Variants in ANXA8 observed in about 807,000 individuals in gnomAD.
ANXA8 encodes the protein annexin A8, also known as VAC-beta.
ANXA8 carries 9 observed loss-of-function variants against 26.8 expected under a neutral mutation model. The ratio of observed to expected loss-of-function variants is 0.34; its 90% confidence interval spans 0.20 to 0.59. The LOEUF is 0.59. ANXA8 is among the 20% of genes least tolerant of loss of function. The probability of loss-of-function intolerance (pLI) is 0.84; values close to 1 mark genes in which losing one functional copy is unlikely to be tolerated. For missense variants in ANXA8, 83 were observed against 238.5 expected (o/e 0.35, Z 4.29); for synonymous variants, 39 against 94.8 (o/e 0.41, Z 3.42).
the ANXA8 span, among the ~76,000 whole-genome samples, chr10:47,566,550 C>G: frequency 6.7e-6 from 1 of 149,352 alleles, no homozygotes; most frequent in South Asian, 2.1e-4. Context: ...TCCACCAGCT[C>G]TAGGCACCAA....
the ANXA8 span, among the ~76,000 whole-genome samples, chr10:47,657,989 T>A: frequency 4.9e-4 from 74 of 151,914 alleles, no homozygotes; most frequent in East Asian, 0.014. Flanking sequence ...AGAAGCTTCA[T>A]AGAATGCTTA....
chr10:47,942,834 G>A, the ANXA8 span, among the ~76,000 whole-genome samples: 1 of 145,780 alleles, frequency 6.9e-6, no homozygotes, highest in Non-Finnish European at 1.5e-5. Flanking sequence ...AATTGCTAAG[G>A]CAGAGGGAGC....
At chr10:47,950,622 A>G in the ANXA8 span, among the ~76,000 whole-genome samples, 1 of 150,338 alleles carries the variant, frequency 6.7e-6, no homozygotes, top group African/African-American at 2.5e-5. Context: ...CCAAAATAAT[A>G]TAGAACATGT....
At chr10:47,700,236 T>A in the ANXA8 span, among the ~76,000 whole-genome samples, 1 of 151,906 alleles carries the variant, frequency 6.6e-6, no homozygotes, top group African/African-American at 2.4e-5. Flanking sequence ...GAACTAGCTT[T>A]ACCAGATGTT....
At chr10:47,939,461 C>T in the ANXA8 span, among the ~76,000 whole-genome samples, 2 of 144,876 alleles carry the variant, frequency 1.4e-5, no homozygotes, top group South Asian at 2.2e-4. Flanking sequence ...GTCCTCTGTC[C>T]CTCATATGCC....
the ANXA8 span, among the ~76,000 whole-genome samples, chr10:47,944,109 G>A: frequency 6.8e-6 from 1 of 146,408 alleles, no homozygotes; most frequent in Non-Finnish European, 1.5e-5. Context: ...CAGTTCTGGA[G>A]GCTGGGAAGT....
At chr10:47,937,758 G>T in the ANXA8 span, among the ~76,000 whole-genome samples, 2 of 146,456 alleles carry the variant, frequency 1.4e-5, no homozygotes, top group African/African-American at 5.0e-5. Flanking sequence ...AAGGATAATG[G>T]CCTCCAGCTC....
At chr10:47,574,893 C>T in the ANXA8 span, among the ~76,000 whole-genome samples, 1 of 42,846 alleles carries the variant, frequency 2.3e-5, no homozygotes, top group Non-Finnish European at 4.6e-5. Flanking sequence ...TTGCTACGAT[C>T]TGAGGAACTG....
At chr10:47,898,904 G>A in the ANXA8 span, among the ~76,000 whole-genome samples, 1 of 144,248 alleles carries the variant, frequency 6.9e-6, no homozygotes, top group African/African-American at 2.6e-5. Flanking sequence ...CATGATCTTG[G>A]CTCACTGCAA....
the ANXA8 span, chr10:47,502,159 T>C: frequency 5.8e-5 from 90 of 1,563,810 alleles, 16 homozygotes; most frequent in Non-Finnish European, 7.8e-5. Context: ...AGGTCAGCGC[T>C]GTGTTCCCGT....
the ANXA8 span, among the ~76,000 whole-genome samples, chr10:47,924,691 C>T: frequency 6.6e-6 from 1 of 151,820 alleles, no homozygotes; most frequent in African/African-American, 2.4e-5. Context: ...CTCTTTGAGC[C>T]AGCAGCTCCC....
At chr10:47,560,823 T>A in the ANXA8 span, among the ~76,000 whole-genome samples, 5 of 152,030 alleles carry the variant, frequency 3.3e-5, no homozygotes, top group Non-Finnish European at 7.3e-5. Context: ...AAACAATTTT[T>A]TTTTTTGAGA....
chr10:47,565,569 G>A, the ANXA8 span: 1 of 293,220 alleles, frequency 3.4e-6, no homozygotes, highest in South Asian at 1.2e-4. Context: ...CCCTCGCCCT[G>A]CCCGGACGCC....
At chr10:47,511,324 G>A in the ANXA8 span, among the ~76,000 whole-genome samples, 2 of 142,462 alleles carry the variant, frequency 1.4e-5, 1 homozygote, top group East Asian at 5.6e-4. Flanking sequence ...GTGAATACAA[G>A]ACTAATGCAT....
the ANXA8 span, among the ~76,000 whole-genome samples, chr10:47,988,918 G>C: frequency 4.6e-5 from 7 of 151,872 alleles, no homozygotes; most frequent in South Asian, 1.5e-3. Flanking sequence ...GTGCTCATCG[G>C]TGTCCACACA....
At chr10:47,959,638 GCC>G in the ANXA8 span, among the ~76,000 whole-genome samples, 1 of 147,886 alleles carries the variant, frequency 6.8e-6, no homozygotes. Flanking sequence ...GCCCAACAGA[GCC>G]CTGCAGAGGC....
chr10:47,469,861 A>C (rs1312545797), intron 11 of ANXA8, among the ~76,000 whole-genome samples: 1 of 151,092 alleles, frequency 6.6e-6, no homozygotes, highest in Non-Finnish European at 1.5e-5. Context: ...TACGGGTTTC[A>C]AACTACAATG....
chr10:47,944,224 G>A, the ANXA8 span, among the ~76,000 whole-genome samples: 1 of 145,426 alleles, frequency 6.9e-6, no homozygotes, highest in Admixed American at 6.8e-5. Context: ...AGGGGTGAGG[G>A]ATCTCTCCAG....
chr10:47,555,762 G>A, the ANXA8 span, among the ~76,000 whole-genome samples: 2 of 152,122 alleles, frequency 1.3e-5, no homozygotes, highest in African/African-American at 4.8e-5. Context: ...CAGGACACCC[G>A]GTTTGTATCT....
Sources: allele counts gnomAD v4.1 joint callset (sites outside exome capture counted in the v4.1 genomes callset), GRCh38; gene constraint gnomAD v4.1.1; transcripts MANE v1.5; gene names NCBI Gene and HGNC (gene_info 2026-07-23, HGNC 2026-07-21).